Variants in CRYBA4 observed in about 807,000 individuals in gnomAD.
CRYBA4 encodes beta-crystallin A4.
In CRYBA4, 30 loss-of-function variants were observed where a neutral mutation model predicts 31.7. The observed-to-expected ratio is 0.95, with a 90% CI of 0.71 to 1.28. CRYBA4 has a LOEUF of 1.28. Among genes scored for constraint, CRYBA4 ranks in the 50% most tolerant of loss-of-function variants. The probability of loss-of-function intolerance (pLI) is 0.00; values close to 1 mark genes in which losing one functional copy is unlikely to be tolerated. For synonymous variants in CRYBA4, 102 were observed against 102.3 expected (o/e 1.00, Z 0.02); for missense variants, 225 against 260.7 (o/e 0.86, Z 0.94).
rs746527018 is a variant in CRYBA4 at position 26,625,541 on chromosome 22, A to C, written c.219A>C (p.Glu73Asp). 1.1e-5 allele frequency: 18 copies of C among 1,613,972 alleles called. No individual in the cohort carries two copies. The Admixed American group carries it at 2.7e-4, about 24-fold the overall frequency. The change falls in exon 4 of 6, where the codon GAA becomes GAC. Residue 73 changes from glutamate to aspartate, a missense_variant. Glu to Asp is a conservative substitution (Grantham distance 45). Coordinates refer to ENST00000354760, the MANE Select transcript of CRYBA4 (RefSeq NM_001886.3). ...QGQQYILERG[E>D]YPSWDAWGGN... ...AGCAGTACATTCTGGAACGAGGCGA[A>C]TATCCAAGCTGGGATGCCTGGGGCG...
the CRYBA4 span, chr22:26,608,086 A>C: frequency 6.2e-7 from 1 of 1,612,284 alleles, no homozygotes; most frequent in Non-Finnish European, 8.5e-7. Flanking sequence ...CCCACTCCCT[A>C]CTTGCCTTTC....
intron 4 of CRYBA4, among the ~76,000 whole-genome samples, 156 bp downstream of exon 4, chr22:26,625,778 A>T (rs1045435146): frequency 6.6e-6 from 1 of 152,152 alleles, no homozygotes; most frequent in African/African-American, 2.4e-5. Flanking sequence ...CGGTTTCTTC[A>T]TCTTGAAATG....
chr22:26,601,909 C>G, the CRYBA4 span: 51 of 1,612,412 alleles, frequency 3.2e-5, 1 homozygote, highest in South Asian at 5.6e-4. Flanking sequence ...GCTGCCCACG[C>G]GGTCACTGAA....
chr22:26,629,734 C>CAAAAATAAAAAAAA (rs1929862880), intron 5 of CRYBA4, among the ~76,000 whole-genome samples: 1 of 80,600 alleles, frequency 1.2e-5, no homozygotes, highest in Non-Finnish European at 2.6e-5. Context: ...GACTCTGTCT[C>CAAAAATAAAAAAAA]AAAAAAAAAA....
chr22:26,617,067 G>A (rs1475971043), upstream of CRYBA4, among the ~76,000 whole-genome samples: 1 of 152,224 alleles, frequency 6.6e-6, no homozygotes, highest in Non-Finnish European at 1.5e-5. Flanking sequence ...TGCTTCCTCT[G>A]AGGGGTTGGT....
the CRYBA4 span, among the ~76,000 whole-genome samples, chr22:26,610,494 T>C: frequency 1.3e-3 from 203 of 152,210 alleles, no homozygotes; most frequent in Non-Finnish European, 2.2e-3. Context: ...TTTGAGTCAC[T>C]GGTACCAAAA....
chr22:26,630,222 A>C lies in CRYBA4; in HGVS notation c.444-118A>C. 4 of 1,308,458 alleles carry C rather than the reference A, an allele frequency of 3.1e-6. No homozygotes were observed. In the South Asian group the frequency reaches 3.8e-5, roughly 12 times the overall value. 81.1% of individuals were successfully genotyped at this position (1,308,458 alleles called of 1,614,324 possible). A position where few individuals can be genotyped will look rare whatever the true frequency, so the allele number is the denominator to read the frequency against. On this transcript the variant is annotated intron_variant, in intron 5 of 5. Coordinates refer to ENST00000354760, the MANE Select transcript of CRYBA4 (RefSeq NM_001886.3). Reference sequence around the variant, plus strand: ...GGAGAGAGCATGGCACATTGTGAGCACTGAAGAAAGGCCAGGATGGCTGGA... The same window carrying C: ...GGAGAGAGCATGGCACATTGTGAGCCCTGAAGAAAGGCCAGGATGGCTGGA...
the CRYBA4 span, among the ~76,000 whole-genome samples, chr22:26,594,812 C>T: frequency 6.6e-6 from 1 of 152,224 alleles, no homozygotes; most frequent in Non-Finnish European, 1.5e-5. Flanking sequence ...AACATAGCCC[C>T]TTGGAAGTCC....
intron 4 of CRYBA4, among the ~76,000 whole-genome samples, 157 bp from the exon 5 acceptor site, chr22:26,628,130 TG>T (rs369437279): frequency 3.2e-4 from 48 of 152,270 alleles, no homozygotes; most frequent in African/African-American, 1.1e-3. Context: ...GAAGGGCAAA[TG>T]GCAAGGTTTC....
At chr22:26,606,095 G>A in the CRYBA4 span, among the ~76,000 whole-genome samples, 3 of 152,286 alleles carry the variant, frequency 2.0e-5, no homozygotes, top group African/African-American at 4.8e-5. Context: ...TTCTTCCAGC[G>A]TGGGCCAGGG....
rs758210927 is a variant in CRYBA4, at chr22:26,630,333, T to C, written c.444-7T>C. On this transcript the variant is annotated splice_polypyrimidine_tract_variant and splice_region_variant and intron_variant, in intron 5 of 5. Transcript: ENST00000354760. Reference sequence around the variant, plus strand: ...TAGAGTAACTGTCTGCCTTTTCTCTTTTCCAGCTGGGTTTGCTCCCAGTTT... The same window carrying C: ...TAGAGTAACTGTCTGCCTTTTCTCTCTTCCAGCTGGGTTTGCTCCCAGTTT... 1 of 1,614,152 alleles carries C rather than the reference T, an allele frequency of 6.2e-7. No individual in the cohort carries two copies. Among genetic ancestry groups the C allele is most frequent in the Non-Finnish European group, 8.5e-7 (1 of 1,179,986 alleles).
the CRYBA4 span, among the ~76,000 whole-genome samples, chr22:26,592,524 G>A: frequency 6.6e-6 from 1 of 152,258 alleles, no homozygotes; most frequent in African/African-American, 2.4e-5. Flanking sequence ...AATCTAGCAG[G>A]TGCAAAGGCC....
the CRYBA4 span, chr22:26,599,645 G>A: frequency 5.0e-6 from 8 of 1,614,036 alleles, no homozygotes; most frequent in African/African-American, 1.3e-5. Context: ...TGGTACCCGC[G>A]GTAGCCAGGA....
chr22:26,594,796 G>A, the CRYBA4 span, among the ~76,000 whole-genome samples: 1 of 152,218 alleles, frequency 6.6e-6, no homozygotes, highest in African/African-American at 2.4e-5. Context: ...CGAAAAGGCT[G>A]AAGGCAACAT....
chr22:26,610,518 C>A, the CRYBA4 span, among the ~76,000 whole-genome samples: 1 of 152,156 alleles, frequency 6.6e-6, no homozygotes, highest in African/African-American at 2.4e-5. Flanking sequence ...GCCTGAAAAC[C>A]CATGCTGGCC....
the CRYBA4 span, among the ~76,000 whole-genome samples, chr22:26,605,671 C>CAAAAAAA: frequency 7.6e-3 from 411 of 53,848 alleles, 6 homozygotes; most frequent in South Asian, 0.031. Context: ...AGATGTGTCT[C>CAAAAAAA]AAAAAAAAAA....
At chr22:26,614,841 C>A in the CRYBA4 span, among the ~76,000 whole-genome samples, 1 of 151,904 alleles carries the variant, frequency 6.6e-6, no homozygotes, top group African/African-American at 2.4e-5. Flanking sequence ...ATAAATAAAA[C>A]AAGTAAATAA....
At chr22:26,626,655 C>G (rs959877813) in intron 4 of CRYBA4, among the ~76,000 whole-genome samples, 3 of 152,122 alleles carry the variant, frequency 2.0e-5, no homozygotes, top group Non-Finnish European at 2.9e-5. Context: ...AGTTGAGCAG[C>G]CTGAATCCAA....
chr22:26,621,247 T>C (rs542614535), upstream of CRYBA4, among the ~76,000 whole-genome samples: 3 of 152,342 alleles, frequency 2.0e-5, no homozygotes, highest in South Asian at 6.2e-4. Flanking sequence ...CGGATTCATC[T>C]TCAGGCTTTG....
Sources: gnomAD v4.1 joint callset for allele counts (sites outside exome capture counted in the v4.1 genomes callset) on GRCh38, gnomAD v4.1.1 for gene constraint, MANE v1.5 for transcripts, NCBI Gene and HGNC (gene_info 2026-07-23, HGNC 2026-07-21) for gene names.